GPATCH2: variants seen among roughly 807,000 people sequenced by gnomAD.
GPATCH2 encodes G-patch domain containing 2.
GPATCH2 carries 51 observed loss-of-function variants against 58.0 expected under a neutral mutation model. That is an observed-to-expected ratio of 0.88 (90% confidence interval 0.70 to 1.11). The LOEUF (loss-of-function observed/expected upper bound fraction) is 1.11. Ranked by LOEUF, GPATCH2 falls within the 50% of genes most tolerant of loss-of-function variation. The pLI is 0.00. For missense variants in GPATCH2, 625 were observed against 652.2 expected, an observed-to-expected ratio of 0.96 and a Z score of 0.45; for synonymous variants, 222 against 218.5, an observed-to-expected ratio of 1.02 and a Z score of -0.14.
rs754073389 is a variant in GPATCH2 at position 217,620,369 on chromosome 1, G to A, written c.187C>T (p.Arg63Cys). Residue 63 changes from arginine to cysteine, a missense_variant, in exon 2 of 10, where the codon CGC becomes TGC. Physicochemically the swap from Arg to Cys is radical, Grantham distance 180 (BLOSUM62 -3). Transcript: ENST00000366935. ...HSRSISCPLK[R>C]QARKRRGRKR... ...CTCCCTCTCCTTTTCCTTGCCTGGC[G>A]TTTCAGAGGGCAAGATATACTTCGA... 1.5e-5 allele frequency: 25 copies of A among 1,613,864 alleles called. No homozygotes were observed. Among genetic ancestry groups the A allele is most frequent in the South Asian group, 5.5e-5 (5 of 91,068 alleles).
chr1:217,472,248 G>A (rs1379758997), intron 8 of GPATCH2, among the ~76,000 whole-genome samples: 1 of 150,164 alleles, frequency 6.7e-6, no homozygotes, highest in East Asian at 1.9e-4. Context: ...TTTCAAAAAT[G>A]ACGTATCACT....
At chr1:217,630,570 G>A (rs1411275733) in intron 1 of GPATCH2, among the ~76,000 whole-genome samples, 1 of 152,188 alleles carries the variant, frequency 6.6e-6, no homozygotes, top group Non-Finnish European at 1.5e-5. Flanking sequence ...AATATTGAAA[G>A]AGGAGTGGGG....
In GPATCH2 at chr1:217,584,330, T is replaced by TA. The variant is rs1168175978; in HGVS notation, c.1098+25990dup. Among the ~76,000 whole-genome samples, 150 of 89,782 alleles carry TA rather than the reference T, an allele frequency of 1.7e-3. 2 individuals carry two copies. The highest frequency in any genetic ancestry group is 2.4e-3 in the Non-Finnish European group (113 of 46,784). The allele number at this position is 89,782 out of a possible 152,430, so 58.9% of individuals were successfully genotyped here. ...CAACATGGTGAAACCTCACCTCTAC[T>TA]AAAAAAAAAAAAAAATATATATATA... is the stretch of plus-strand genomic sequence containing the variant. On this transcript the variant is annotated intron_variant, in intron 5 of 9. Transcript: ENST00000366935.
At chr1:217,510,065 A>T (rs1257401168) in intron 6 of GPATCH2, among the ~76,000 whole-genome samples, 2 of 152,164 alleles carry the variant, frequency 1.3e-5, no homozygotes, top group African/African-American at 2.4e-5. Context: ...CTATTTGTTT[A>T]AACCACTATT....
At chr1:217,622,678 G>A (rs899682622) in intron 1 of GPATCH2, among the ~76,000 whole-genome samples, 1 of 152,140 alleles carries the variant, frequency 6.6e-6, no homozygotes, top group Non-Finnish European at 1.5e-5. Context: ...CGAGTAGCTG[G>A]GATTACAGGC....
intron 2 of GPATCH2, 53 bp from the exon 3 acceptor site, chr1:217,614,255 T>G: frequency 9.6e-7 from 1 of 1,045,820 alleles, no homozygotes; most frequent in South Asian, 1.3e-5. Context: ...GATCTCTCAG[T>G]CGTAAAATTT....
intron 5 of GPATCH2, among the ~76,000 whole-genome samples, chr1:217,523,513 C>T (rs1358005601): frequency 6.6e-6 from 1 of 151,444 alleles, no homozygotes; most frequent in East Asian, 1.9e-4. Context: ...TCAACAGGAT[C>T]CCAAGGCAGA....
At position 217,429,997 on chromosome 1, in the gene GPATCH2, A is replaced by C. The variant is rs1378148169; in HGVS notation, c.*1148T>G. 1 of 152,162 alleles carries C rather than the reference A, an allele frequency of 6.6e-6. No individual in the cohort carries two copies. The highest frequency in any genetic ancestry group is 1.5e-5 in the Non-Finnish European group (1 of 68,030). 9.4% of individuals were successfully genotyped at this position (152,162 alleles called of 1,614,324 possible). Reference sequence around the variant, plus strand: ...TCATCATAATAAGTTGTTAATAATGAAGATAATAAATAAAGATCTTCTAAA... The same window carrying C: ...TCATCATAATAAGTTGTTAATAATGCAGATAATAAATAAAGATCTTCTAAA... On this transcript the variant is annotated 3_prime_UTR_variant, in exon 10 of 10. Transcript: ENST00000366935.
chr1:217,473,152 CAT>C (rs1222183037), intron 8 of GPATCH2, among the ~76,000 whole-genome samples: 3 of 152,142 alleles, frequency 2.0e-5, no homozygotes, highest in East Asian at 1.9e-4. Flanking sequence ...ACCTGTGGCA[CAT>C]GAGTGTGTTC....
chr1:217,592,954 G>A (rs1194147507), intron 5 of GPATCH2, among the ~76,000 whole-genome samples: 1 of 151,886 alleles, frequency 6.6e-6, no homozygotes, highest in African/African-American at 2.4e-5. Flanking sequence ...TTCAAAAATG[G>A]ATCTATGGTA....
intron 7 of GPATCH2, among the ~76,000 whole-genome samples, chr1:217,493,414 T>C (rs988765877): frequency 6.6e-6 from 1 of 152,142 alleles, no homozygotes; most frequent in Non-Finnish European, 1.5e-5. Flanking sequence ...GTATGTACCA[T>C]GCTGTTGCTC....
At chr1:217,593,154 A>T (rs1352699751) in intron 5 of GPATCH2, among the ~76,000 whole-genome samples, 4 of 152,042 alleles carry the variant, frequency 2.6e-5, no homozygotes, top group African/African-American at 9.6e-5. Flanking sequence ...TAACTTCTTA[A>T]CTAGAAAAAT....
In GPATCH2 at chr1:217,430,412, ATT is replaced by A. The variant is rs1371904800; in HGVS notation, c.*731_*732del. 2.0e-5 allele frequency: 3 copies of A among 152,176 alleles called. No individual in the cohort carries two copies. Among genetic ancestry groups the A allele is most frequent in the African/African-American group, 7.2e-5 (3 of 41,438 alleles). The allele number at this position is 152,176 out of a possible 1,614,324, so 9.4% of individuals were successfully genotyped here. On this transcript the variant is annotated 3_prime_UTR_variant, in exon 10 of 10. Transcript: ENST00000366935. ...CAATCACGGTGAATTTAAAAAATAC[ATT>A]TTTCTTTCAATAATTATTTTATGTT...
rs34590445 is a variant in GPATCH2 at position 217,488,861 on chromosome 1, A to AT, written c.1277+2818dup. Among the ~76,000 whole-genome samples the AT allele has an allele frequency of 2.1e-3, 296 of 143,822 alleles. 1 individual carries two copies. Among genetic ancestry groups the AT allele is most frequent in the Non-Finnish European group, 2.9e-3 (186 of 65,050 alleles). 94.4% of individuals were successfully genotyped at this position (143,822 alleles called of 152,430 possible). On this transcript the variant is annotated intron_variant, in intron 8 of 9. Coordinates refer to ENST00000366935, the MANE Select transcript of GPATCH2 (RefSeq NM_018040.5). ...CATGCACCGCCATAGACTATTTAAAATTTTTTTTTTTTTTGTAGAGACAGA... is the reference window on the plus strand; with the variant it reads ...CATGCACCGCCATAGACTATTTAAAATTTTTTTTTTTTTTTGTAGAGACAGA...
chr1:217,495,851 C>G (rs1465223389), intron 7 of GPATCH2, among the ~76,000 whole-genome samples: 3 of 151,990 alleles, frequency 2.0e-5, no homozygotes, highest in African/African-American at 7.2e-5. Flanking sequence ...AGTAAAGGCA[C>G]GATCACTATG....
At position 217,501,268 on chromosome 1, in the gene GPATCH2, T is replaced by G. The variant is rs185021386; in HGVS notation, c.1167-2873A>C. Among the ~76,000 whole-genome samples the G allele has an allele frequency of 1.1e-4, 16 of 152,284 alleles. No homozygotes were observed. The East Asian group carries it at 3.1e-3, about 29-fold the overall frequency. ...GAAAAGTCAGAGAAGTTGTTGCATG[T>G]ATCAATAGTTTATTCCTTTTAATTC... is the stretch of plus-strand genomic sequence containing the variant. On this transcript the variant is annotated intron_variant, in intron 6 of 9. Coordinates refer to ENST00000366935, the MANE Select transcript of GPATCH2 (RefSeq NM_018040.5).
At chr1:217,544,224 T>C (rs1664909022) in intron 5 of GPATCH2, among the ~76,000 whole-genome samples, 1 of 152,080 alleles carries the variant, frequency 6.6e-6, no homozygotes. Flanking sequence ...GCAAAACCTG[T>C]CTTTACTAAA....
At chr1:217,470,261 C>A (rs929519784) in intron 8 of GPATCH2, among the ~76,000 whole-genome samples, 2 of 152,200 alleles carry the variant, frequency 1.3e-5, no homozygotes, top group Admixed American at 6.5e-5. Flanking sequence ...CACATGCTAA[C>A]TGTTTTCCAT....
At chr1:217,500,267 A>G (rs968733232) in intron 6 of GPATCH2, among the ~76,000 whole-genome samples, 1 of 152,012 alleles carries the variant, frequency 6.6e-6, no homozygotes. Flanking sequence ...ATATCTGAAA[A>G]TATGCCCATC....
Sources: gnomAD v4.1 joint callset for allele counts (sites outside exome capture counted in the v4.1 genomes callset) on GRCh38, gnomAD v4.1.1 for gene constraint, MANE v1.5 for transcripts, NCBI Gene and HGNC (gene_info 2026-07-23, HGNC 2026-07-21) for gene names.